SYNDIG1: variants seen among roughly 807,000 people sequenced by gnomAD.
The protein encoded by SYNDIG1 is synapse differentiation-inducing gene protein 1.
A neutral mutation model predicts 19.4 loss-of-function variants in SYNDIG1; 9 were observed. The ratio of observed to expected loss-of-function variants is 0.46; its 90% CI spans 0.28 to 0.81. The LOEUF (loss-of-function observed/expected upper bound fraction) is 0.81, where lower values mean the gene tolerates loss of function less well. Ranked by LOEUF, SYNDIG1 falls within the 30% of genes least tolerant of loss-of-function variation. The pLI is 0.12. For synonymous variants in SYNDIG1, 141 were observed against 145.9 expected, an observed-to-expected ratio of 0.97 and a Z score of 0.24; for missense variants, 311 against 343.3, an observed-to-expected ratio of 0.91 and a Z score of 0.74.
intron 2 of SYNDIG1, among the ~76,000 whole-genome samples, chr20:24,558,460 C>G (rs142192976): frequency 1.3e-5 from 2 of 152,298 alleles, no homozygotes. Context: ...ACCTGAATCA[C>G]ATTTTCGAAA....
rs73905420 is a variant in SYNDIG1, at chr20:24,658,042, G to A, written c.619-7304G>A. Among the ~76,000 whole-genome samples, 33 of 152,146 alleles carry A rather than the reference G, an allele frequency of 2.2e-4. No homozygotes were observed. Among genetic ancestry groups the A allele is most frequent in the African/African-American group, 7.2e-4 (30 of 41,488 alleles). Reference sequence around the variant, plus strand: ...GAGGACCCCCAGCTGTGCTGGCCCCGGTCCATGGATGACGGGGACTGTGGA... The same window carrying A: ...GAGGACCCCCAGCTGTGCTGGCCCCAGTCCATGGATGACGGGGACTGTGGA... On this transcript the variant is annotated intron_variant, in intron 3 of 3. Transcript: ENST00000376862. The surrounding 1 kb of genome is among the most constrained non-coding windows in gnomAD (Gnocchi z 4.4).
chr20:24,537,326 G>A (rs952409534), intron 1 of SYNDIG1, among the ~76,000 whole-genome samples: 2 of 152,192 alleles, frequency 1.3e-5, no homozygotes, highest in Non-Finnish European at 2.9e-5. Context: ...AACTTTGGTG[G>A]TCAGCCCACA....
At chr20:24,507,176 C>T (rs1209364542) in intron 1 of SYNDIG1, among the ~76,000 whole-genome samples, 3 of 152,306 alleles carry the variant, frequency 2.0e-5, no homozygotes, top group African/African-American at 7.2e-5. Flanking sequence ...GTGGTCCATC[C>T]TCCACCTCTG....
chr20:24,506,819 A>T (rs2056603614), intron 1 of SYNDIG1, among the ~76,000 whole-genome samples: 1 of 152,144 alleles, frequency 6.6e-6, no homozygotes, highest in Non-Finnish European at 1.5e-5. Flanking sequence ...GGCATACCTG[A>T]GCCCTGTGGG....
chr20:24,581,968 T>C (rs1224425244), intron 2 of SYNDIG1, among the ~76,000 whole-genome samples: 1 of 150,914 alleles, frequency 6.6e-6, no homozygotes, highest in Admixed American at 6.6e-5. Flanking sequence ...TCCTCCCCAC[T>C]GCACATCCTC....
chr20:24,591,028 T>A (rs546458765), intron 3 of SYNDIG1, among the ~76,000 whole-genome samples: 2 of 152,204 alleles, frequency 1.3e-5, no homozygotes, highest in South Asian at 4.2e-4. Flanking sequence ...TTTCCTGACC[T>A]GGGTACTGGC....
At chr20:24,621,930 A>G (rs1364971846) in intron 3 of SYNDIG1, among the ~76,000 whole-genome samples, 1 of 152,190 alleles carries the variant, frequency 6.6e-6, no homozygotes, top group African/African-American at 2.4e-5. Context: ...ATTAACATCA[A>G]TTCTCACTTG....
chr20:24,630,230 G>A (rs1357289384), intron 3 of SYNDIG1, among the ~76,000 whole-genome samples: 3 of 152,156 alleles, frequency 2.0e-5, no homozygotes, highest in African/African-American at 7.2e-5. Context: ...CTAACGAGCT[G>A]CCTCTGCACA....
At chr20:24,491,526 G>A (rs1349372557) in intron 1 of SYNDIG1, 1 of 152,250 alleles carries the variant, frequency 6.6e-6, no homozygotes, top group African/African-American at 2.4e-5. Context: ...AGCATGCCCT[G>A]CTGCAGGAGG....
chr20:24,479,806 C>G (rs149834135), intron 1 of SYNDIG1, among the ~76,000 whole-genome samples: 1 of 152,136 alleles, frequency 6.6e-6, no homozygotes, highest in Non-Finnish European at 1.5e-5. Context: ...GCGCTCCTCT[C>G]GAAGCCCCCT....
At chr20:24,522,079 T>G (rs922550622) in intron 1 of SYNDIG1, among the ~76,000 whole-genome samples, 1 of 152,066 alleles carries the variant, frequency 6.6e-6, no homozygotes, top group Admixed American at 6.5e-5. Context: ...CTGTTCTATC[T>G]TTTTTTCTTT....
Position 24,589,285 on chromosome 20 carries a change from G to A in SYNDIG1, c.618+4292G>A, listed in dbSNP as rs73905122. ...CATTTTACAGATTAACAAAACTGAA[G>A]TTTCAAGGGATTTAATAAGTAACAG... On this transcript the variant is annotated intron_variant, in intron 3 of 3. Coordinates refer to ENST00000376862, the MANE Select transcript of SYNDIG1 (RefSeq NM_024893.3). Among the ~76,000 whole-genome samples the A allele has an allele frequency of 8.4e-3, 1,276 of 152,290 alleles. 18 individuals carry two copies. The highest frequency in any genetic ancestry group is 0.029 in the African/African-American group (1,204 of 41,546).
intron 2 of SYNDIG1, among the ~76,000 whole-genome samples, chr20:24,553,907 C>T (rs150506766): frequency 0.26 from 39,209 of 152,000 alleles, 5,816 homozygotes; most frequent in East Asian, 0.58. Context: ...GGCAGTATGG[C>T]CATTTTCACG....
chr20:24,663,516 G>A (rs1405169152), intron 3 of SYNDIG1, among the ~76,000 whole-genome samples: 1 of 152,170 alleles, frequency 6.6e-6, no homozygotes, highest in Non-Finnish European at 1.5e-5. Context: ...CCCAGTTAGA[G>A]AAGTATCGCA....
chr20:24,484,501 C>T (rs915730054), intron 1 of SYNDIG1, among the ~76,000 whole-genome samples: 1 of 152,124 alleles, frequency 6.6e-6, no homozygotes, highest in African/African-American at 2.4e-5. Flanking sequence ...ACGTCACTGT[C>T]GCCACACTCC....
intron 1 of SYNDIG1, among the ~76,000 whole-genome samples, chr20:24,528,374 C>T (rs533408035): frequency 6.6e-6 from 1 of 152,278 alleles, no homozygotes; most frequent in African/African-American, 2.4e-5. Context: ...GTGTTTAGTG[C>T]TTGTCTTAGT....
At chr20:24,472,060 G>C (rs2146180448) in intron 1 of SYNDIG1, among the ~76,000 whole-genome samples, 1 of 152,284 alleles carries the variant, frequency 6.6e-6, no homozygotes, top group South Asian at 2.1e-4. Flanking sequence ...TCCAGCTGAT[G>C]ACATTTCATT....
At chr20:24,607,374 A>AT (rs1180976544) in intron 3 of SYNDIG1, among the ~76,000 whole-genome samples, 1 of 151,196 alleles carries the variant, frequency 6.6e-6, no homozygotes, top group East Asian at 1.9e-4. Context: ...AAAAAAAAAA[A>AT]AAAAGAATAA....
intron 1 of SYNDIG1, 89 bp from the exon 2 acceptor site, chr20:24,542,931 T>A (rs2057495547): frequency 1.0e-6 from 1 of 982,050 alleles, no homozygotes. Flanking sequence ...ATCAGCTGGC[T>A]GGTACAGTCT....
Sources: gnomAD v4.1 joint callset for allele counts (sites outside exome capture counted in the v4.1 genomes callset) on GRCh38, gnomAD v4.1.1 for gene constraint, Gnocchi (gnomAD v3.1) non-coding constraint, MANE v1.5 for transcripts, NCBI Gene and HGNC (gene_info 2026-07-23, HGNC 2026-07-21) for gene names.